The following MID1 variants were observed in gnomAD, a reference collection of about 807,000 sequenced individuals.
MID1 encodes the protein midline 1.
Under a neutral mutation model 40.4 loss-of-function variants are expected in MID1, and 7 were observed. The observed-to-expected ratio is 0.17, with a 90% CI of 0.10 to 0.33. The LOEUF is 0.33. Among genes scored for constraint, MID1 ranks in the 10% least tolerant of loss-of-function variants. MID1 has a pLI of 1.00. For missense variants in MID1, 367 were observed against 558.5 expected, an observed-to-expected ratio of 0.66 and a Z score of 3.46; for synonymous variants, 229 against 221.2, an observed-to-expected ratio of 1.04 and a Z score of -0.31.
intron 1 of MID1, among the ~76,000 whole-genome samples, chrX:10,719,896 T>C (rs2043336644): frequency 9.0e-6 from 1 of 111,180 alleles, no homozygotes; most frequent in Non-Finnish European, 1.9e-5. Context: ...TAATGCTGCA[T>C]ATCTACAACT....
At chrX:10,486,359 T>C (rs1930616783) in intron 4 of MID1, among the ~76,000 whole-genome samples, 1 of 112,029 alleles carries the variant, frequency 8.9e-6, no homozygotes, top group African/African-American at 3.2e-5. Context: ...TTCCAATTGC[T>C]TGTCAGAAGG....
chrX:10,572,657 ACT>A (rs1425074054), intron 1 of MID1, among the ~76,000 whole-genome samples: 1 of 111,517 alleles, frequency 9.0e-6, no homozygotes, highest in African/African-American at 3.3e-5. Context: ...AAAAAAAAAA[ACT>A]TCTTCATTTC....
chrX:10,542,570 TTTA>T (rs1364195668), intron 2 of MID1, among the ~76,000 whole-genome samples: 2 of 112,288 alleles, frequency 1.8e-5, no homozygotes, highest in Non-Finnish European at 3.8e-5. Context: ...ACTTTCTTTT[TTTA>T]TTATCATTTT....
intron 3 of MID1, among the ~76,000 whole-genome samples, chrX:10,516,396 G>C (rs1451871314): frequency 9.2e-6 from 1 of 108,606 alleles, no homozygotes; most frequent in Non-Finnish European, 1.9e-5. Context: ...GGGTTTCACC[G>C]TGTTAGCCAG....
At chrX:10,477,280 T>C (rs1299684894) in intron 5 of MID1, among the ~76,000 whole-genome samples, 2 of 112,425 alleles carry the variant, frequency 1.8e-5, no homozygotes, top group Non-Finnish European at 3.8e-5. Flanking sequence ...AAGTTTCTCC[T>C]GGTTCCATGG....
chrX:10,649,523 TATC>T (rs1270019057), intron 1 of MID1, among the ~76,000 whole-genome samples: 1 of 112,179 alleles, frequency 8.9e-6, no homozygotes, highest in Non-Finnish European at 1.9e-5. Context: ...TTGTGAATCA[TATC>T]ATGTTTATAG....
chrX:10,709,425 C>T (rs1330075352), intron 1 of MID1, among the ~76,000 whole-genome samples: 3 of 112,056 alleles, frequency 2.7e-5, no homozygotes, highest in South Asian at 7.4e-4. Flanking sequence ...TATAGAGTTC[C>T]GGGTCTTTTA....
chrX:10,499,628 G>A (rs1031120029), intron 3 of MID1, among the ~76,000 whole-genome samples: 1 of 111,777 alleles, frequency 8.9e-6, no homozygotes, highest in Non-Finnish European at 1.9e-5. Context: ...TGGTGTGAGG[G>A]TAGGCTTCTA....
chrX:10,491,354 G>T (rs1930938622), intron 4 of MID1, among the ~76,000 whole-genome samples: 1 of 109,718 alleles, frequency 9.1e-6, no homozygotes, highest in African/African-American at 3.3e-5. Context: ...GCTTTCACTG[G>T]GTTTATCCTG....
intron 1 of MID1, among the ~76,000 whole-genome samples, chrX:10,681,074 A>AATAATG (rs1175837649): frequency 2.9e-4 from 29 of 101,295 alleles, no homozygotes; most frequent in African/African-American, 1.0e-3. Context: ...TAATAATAAT[A>AATAATG]ATGCTACACA....
rs1320558372 is a variant in MID1, at chrX:10,459,754, G to A, written c.1339C>T (p.His447Tyr). 8.3e-7 allele frequency: 1 copy of A among 1,210,650 alleles called. No individual in the cohort carries two copies. ...WMIVPNIKQN[H>Y]YTVHGLQSGT... ...CTCTGCAGACCGTGCACCGTGTAGT[G>A]GTTCTGCTTGATGTTGGGTACTATC... is the stretch of plus-strand genomic sequence containing the variant. Residue 447 changes from histidine (H) to tyrosine (Y), a missense_variant, in exon 8 of 10, where the codon CAC (histidine) becomes TAC (tyrosine). Coordinates refer to ENST00000317552, the MANE Select transcript of MID1 (RefSeq NM_000381.4).
intron 5 of MID1, 52 bp downstream of exon 5, chrX:10,482,428 G>A (rs769421829): frequency 5.2e-5 from 61 of 1,164,817 alleles, no homozygotes; most frequent in Non-Finnish European, 6.7e-5. Context: ...CAATCACAGC[G>A]CAGATACAAG....
intron 1 of MID1, among the ~76,000 whole-genome samples, chrX:10,832,304 C>G (rs778577069): frequency 1.2e-4 from 14 of 112,505 alleles, no homozygotes; most frequent in Non-Finnish European, 2.4e-4. Context: ...TAGGCAGTTG[C>G]CAATGCCTGT....
chrX:10,794,453 A>C (rs1475852825), intron 1 of MID1, among the ~76,000 whole-genome samples: 1 of 112,489 alleles, frequency 8.9e-6, no homozygotes, highest in Admixed American at 9.4e-5. Flanking sequence ...AAGAGAAACC[A>C]GCTGCTCACA....
chrX:10,601,077 T>C (rs1475804758), intron 1 of MID1, among the ~76,000 whole-genome samples: 2 of 112,600 alleles, frequency 1.8e-5, no homozygotes, highest in Non-Finnish European at 3.7e-5. Flanking sequence ...GAAAAGGTCT[T>C]ATTAGCTGAT....
chrX:10,707,876 C>CA (rs2043241717), intron 1 of MID1, among the ~76,000 whole-genome samples: 1 of 112,480 alleles, frequency 8.9e-6, no homozygotes, highest in South Asian at 3.6e-4. Context: ...TTGATTATAT[C>CA]AAAAAAGAAG....
At chrX:10,524,508 C>T (rs779111276) in intron 2 of MID1, among the ~76,000 whole-genome samples, 1 of 112,382 alleles carries the variant, frequency 8.9e-6, no homozygotes, top group South Asian at 3.7e-4. Flanking sequence ...TTGCAGGCCA[C>T]GTGTTGGACA....
At chrX:10,499,310 T>C (rs1285047265) in intron 3 of MID1, among the ~76,000 whole-genome samples, 5 of 111,910 alleles carry the variant, frequency 4.5e-5, no homozygotes, top group Non-Finnish European at 9.4e-5. Flanking sequence ...TTTTAATTAA[T>C]AGAATGTATT....
chrX:10,536,541 C>T (rs1933261858), intron 2 of MID1, among the ~76,000 whole-genome samples: 1 of 112,626 alleles, frequency 8.9e-6, no homozygotes, highest in African/African-American at 3.2e-5. Context: ...CTTTTAAAAA[C>T]CAAGCCATTT....
Sources: allele counts gnomAD v4.1 joint callset (sites outside exome capture counted in the v4.1 genomes callset), GRCh38; gene constraint gnomAD v4.1.1; transcripts MANE v1.5; gene names NCBI Gene and HGNC (gene_info 2026-07-23, HGNC 2026-07-21).